Variants in PAMR1 observed in about 807,000 individuals in gnomAD.
The protein encoded by PAMR1 is peptidase domain containing associated with muscle regeneration 1.
A neutral mutation model predicts 81.8 loss-of-function variants in PAMR1; 88 were observed. The observed-to-expected ratio is 1.08, with a 90% CI of 0.91 to 1.28. PAMR1 has a LOEUF of 1.28. PAMR1 is among the 50% of genes most tolerant of loss of function. PAMR1 has a pLI of 0.00. For synonymous variants in PAMR1, 336 were observed against 345.3 expected (o/e 0.97, Z 0.30); for missense variants, 935 against 919.7 (o/e 1.02, Z -0.21).
At chr11:35,494,412 T>A (rs897443311) in intron 1 of PAMR1, 140 bp from the exon 2 acceptor site, 5 of 667,016 alleles carry the variant, frequency 7.5e-6, no homozygotes, top group Non-Finnish European at 1.3e-5. Flanking sequence ...CGGCTCACTG[T>A]AAGCTCTGCC....
intron 1 of PAMR1, chr11:35,513,320 A>G (rs1851106696): frequency 6.6e-6 from 1 of 152,208 alleles, no homozygotes; most frequent in South Asian, 2.1e-4. Context: ...GACAATTAAC[A>G]CTTCTATTTA....
chr11:35,476,891 C>T (rs770630063), intron 3 of PAMR1, among the ~76,000 whole-genome samples: 4 of 151,992 alleles, frequency 2.6e-5, no homozygotes, highest in Admixed American at 6.6e-5. Flanking sequence ...ACTTTCTGTG[C>T]CCAACTCCGG....
At chr11:35,501,565 ATTAT>A (rs1025916987) in intron 1 of PAMR1, among the ~76,000 whole-genome samples, 14 of 148,374 alleles carry the variant, frequency 9.4e-5, no homozygotes, top group African/African-American at 3.2e-4. Context: ...TTTAATTATT[ATTAT>A]TTTTTTTTTA....
intron 1 of PAMR1, among the ~76,000 whole-genome samples, chr11:35,495,564 C>T (rs1457584237): frequency 3.9e-5 from 6 of 152,154 alleles, no homozygotes; most frequent in African/African-American, 1.4e-4. Context: ...ATGACAATTA[C>T]AGCTGAAATG....
At chr11:35,487,013 T>C (rs1476708392) in intron 3 of PAMR1, among the ~76,000 whole-genome samples, 4 of 152,090 alleles carry the variant, frequency 2.6e-5, no homozygotes, top group Non-Finnish European at 5.9e-5. Context: ...TGTGCACCTG[T>C]GTGTTTGGCT....
chr11:35,484,242 GA>G (rs2135392169), intron 3 of PAMR1, among the ~76,000 whole-genome samples: 1 of 152,306 alleles, frequency 6.6e-6, no homozygotes, highest in African/African-American at 2.4e-5. Context: ...TGTAAATGAG[GA>G]AACTGAGATT....
chr11:35,504,910 T>A (rs78393055), intron 1 of PAMR1, among the ~76,000 whole-genome samples: 1 of 47,112 alleles, frequency 2.1e-5, no homozygotes, highest in African/African-American at 1.0e-4. Flanking sequence ...TTACTTTGGG[T>A]TTTTTTGTTG....
rs562282010 is a variant in PAMR1 at position 35,525,028 on chromosome 11, G to A, written c.73+485C>T. On this transcript the variant is annotated intron_variant, in intron 1 of 10. Coordinates refer to ENST00000619888, the MANE Select transcript of PAMR1 (RefSeq NM_001001991.3). Reference sequence around the variant, plus strand: ...CTACTCCGAAGGGGTATGGCTGTAGGAGTTCGTGAAGCAAGATTCACCAGA... The same window carrying A: ...CTACTCCGAAGGGGTATGGCTGTAGAAGTTCGTGAAGCAAGATTCACCAGA... Among the ~76,000 whole-genome samples, 5 of 152,236 alleles carry A rather than the reference G, an allele frequency of 3.3e-5. No individual in the cohort carries two copies. The South Asian group carries it at 8.3e-4, about 25-fold the overall frequency.
intron 6 of PAMR1, among the ~76,000 whole-genome samples, chr11:35,464,099 G>C (rs1011214835): frequency 2.6e-5 from 4 of 152,158 alleles, no homozygotes; most frequent in African/African-American, 9.7e-5. Flanking sequence ...CCCTTTGAAT[G>C]AACAGTTCAG....
At chr11:35,464,586 C>T (rs1373799476) in intron 6 of PAMR1, among the ~76,000 whole-genome samples, 1 of 152,084 alleles carries the variant, frequency 6.6e-6, no homozygotes, top group African/African-American at 2.4e-5. Flanking sequence ...TGCCAAATGT[C>T]CCCTGTGAGT....
At chr11:35,503,701 T>A (rs181196879) in intron 1 of PAMR1, among the ~76,000 whole-genome samples, 2 of 152,286 alleles carry the variant, frequency 1.3e-5, no homozygotes, top group East Asian at 3.9e-4. Flanking sequence ...TGCTACTGAT[T>A]CTTATAGGTT....
chr11:35,480,375 T>C (rs1850366377), intron 3 of PAMR1, among the ~76,000 whole-genome samples: 1 of 152,188 alleles, frequency 6.6e-6, no homozygotes, highest in Admixed American at 6.5e-5. Context: ...GAAATAGCCC[T>C]GCTAATACAA....
At chr11:35,505,743 G>A (rs1323135035) in intron 1 of PAMR1, among the ~76,000 whole-genome samples, 1 of 152,068 alleles carries the variant, frequency 6.6e-6, no homozygotes, top group East Asian at 1.9e-4. Context: ...GTCTGTATCT[G>A]TATAAGTGAG....
chr11:35,440,649 T>C (rs1856145303), intron 7 of PAMR1, among the ~76,000 whole-genome samples: 1 of 152,174 alleles, frequency 6.6e-6, no homozygotes, highest in Non-Finnish European at 1.5e-5. Flanking sequence ...AGTGAATCAA[T>C]TCAGTGAGAA....
chr11:35,472,519 A>T (rs1295975792), intron 4 of PAMR1, among the ~76,000 whole-genome samples: 1 of 152,188 alleles, frequency 6.6e-6, no homozygotes, highest in African/African-American at 2.4e-5. Flanking sequence ...ACAACAAGGT[A>T]ATTTTAGAGT....
At chr11:35,491,332 C>G (rs1850621323) in intron 3 of PAMR1, among the ~76,000 whole-genome samples, 1 of 152,162 alleles carries the variant, frequency 6.6e-6, no homozygotes, top group Non-Finnish European at 1.5e-5. Flanking sequence ...AAATATCATT[C>G]ATAGGAGTAA....
intron 3 of PAMR1, among the ~76,000 whole-genome samples, chr11:35,475,068 C>T (rs184832709): frequency 2.0e-5 from 3 of 152,280 alleles, no homozygotes; most frequent in Admixed American, 2.0e-4. Context: ...TCAAACCTAA[C>T]TGTGTTTGAA....
intron 1 of PAMR1, among the ~76,000 whole-genome samples, chr11:35,518,064 A>G (rs1485562604): frequency 6.6e-6 from 1 of 152,164 alleles, no homozygotes; most frequent in Non-Finnish European, 1.5e-5. Context: ...GGCTTGAGAT[A>G]CTTACCCATT....
rs770100420 is a variant in PAMR1 at position 35,494,069 on chromosome 11, A to T, written c.250+27T>A. The T allele has an allele frequency of 4.4e-6, 7 of 1,599,664 alleles. No homozygotes were observed. In the East Asian group the frequency reaches 1.6e-4, roughly 36 times the overall value. On this transcript the variant is annotated intron_variant, in intron 2 of 10. Coordinates refer to ENST00000619888, the MANE Select transcript of PAMR1 (RefSeq NM_001001991.3). ...CATTACCTCCAACAACATGAAGGCA[A>T]CCTGAAGTCTCCCATTCCACACTCA...
Sources: gnomAD v4.1 joint callset for allele counts (sites outside exome capture counted in the v4.1 genomes callset) on GRCh38, gnomAD v4.1.1 for gene constraint, MANE v1.5 for transcripts, NCBI Gene and HGNC (gene_info 2026-07-23, HGNC 2026-07-21) for gene names.